The following LPXN variants were observed in gnomAD, a reference collection of about 807,000 sequenced individuals.
LPXN encodes leupaxin.
A neutral mutation model predicts 45.6 loss-of-function variants in LPXN; 28 were observed. The ratio of observed to expected loss-of-function variants is 0.61; its 90% CI spans 0.45 to 0.84. The LOEUF (loss-of-function observed/expected upper bound fraction) is 0.84, where lower values mean the gene tolerates loss of function less well. Among genes scored for constraint, LPXN ranks in the 40% least tolerant of loss-of-function variants. LPXN has a pLI of 0.00. For missense variants in LPXN, 459 were observed against 475.0 expected, an observed-to-expected ratio of 0.97 and a Z score of 0.31; for synonymous variants, 166 against 169.9, an observed-to-expected ratio of 0.98 and a Z score of 0.18.
At chr11:58,529,282 T>C (rs1256898372) in intron 7 of LPXN, among the ~76,000 whole-genome samples, 1 of 152,164 alleles carries the variant, frequency 6.6e-6, no homozygotes, top group Non-Finnish European at 1.5e-5. Flanking sequence ...CCTGAGTATA[T>C]GTATGGTTTC....
chr11:58,578,781 T>G (rs964771855), upstream of LPXN, among the ~76,000 whole-genome samples: 15 of 151,740 alleles, frequency 9.9e-5, no homozygotes, highest in Non-Finnish European at 1.8e-4. Context: ...CGATTTCTTC[T>G]CACCCGCCTC....
chr11:58,567,101 A>C (rs1854547964), intron 2 of LPXN, among the ~76,000 whole-genome samples: 1 of 152,186 alleles, frequency 6.6e-6, no homozygotes, highest in Non-Finnish European at 1.5e-5. Flanking sequence ...GCTTGTTTGA[A>C]TGCAGTCACA....
intron 4 of LPXN, among the ~76,000 whole-genome samples, chr11:58,553,233 G>C (rs550891316): frequency 2.0e-5 from 3 of 151,658 alleles, no homozygotes; most frequent in Non-Finnish European, 4.4e-5. Context: ...CTACTCAGGA[G>C]GCTGAGGCAC....
At chr11:58,570,452 G>C (rs1391569562) in intron 2 of LPXN, 104 bp downstream of exon 2, 1 of 825,048 alleles carries the variant, frequency 1.2e-6, no homozygotes, top group East Asian at 2.5e-5. Flanking sequence ...TCTCTTTCTT[G>C]GATATATTAT....
chr11:58,578,316 C>T (rs747177052), upstream of LPXN: 51 of 321,414 alleles, frequency 1.6e-4, no homozygotes, highest in Admixed American at 1.0e-3. Flanking sequence ...CGTCGTGACT[C>T]AGTTAGAACC....
upstream of LPXN, among the ~76,000 whole-genome samples, chr11:58,576,536 C>T (rs143935811): frequency 2.6e-5 from 4 of 152,318 alleles, no homozygotes; most frequent in Non-Finnish European, 4.4e-5. Flanking sequence ...CTGAGGTTAA[C>T]TCTTCACCTT....
rs1435112566 is a variant in LPXN, at chr11:58,565,527, C to T, written c.172-1326G>A. ...CCAGCCTGGGTGACAGAGCGAGACT[C>T]GGTCTCAAAAAAAAAAAAAATGTGT... On this transcript the variant is annotated intron_variant, in intron 2 of 8. Coordinates refer to ENST00000395074, the MANE Select transcript of LPXN (RefSeq NM_004811.3). Among the ~76,000 whole-genome samples the T allele has an allele frequency of 2.8e-5, 4 of 142,024 alleles. 1 individual carries two copies. The South Asian group carries it at 7.0e-4, about 25-fold the overall frequency. 93.2% of individuals were successfully genotyped at this position (142,024 alleles called of 152,430 possible). A position where few individuals can be genotyped will look rare whatever the true frequency, so the allele number is the denominator to read the frequency against.
chr11:58,561,200 A>G (rs955633661), intron 3 of LPXN, among the ~76,000 whole-genome samples: 1 of 152,208 alleles, frequency 6.6e-6, no homozygotes, highest in Non-Finnish European at 1.5e-5. Context: ...TCTTTCACTT[A>G]ATATATTTTC....
upstream of LPXN, among the ~76,000 whole-genome samples, chr11:58,578,562 C>T (rs949346618): frequency 3.3e-5 from 5 of 152,200 alleles, no homozygotes; most frequent in African/African-American, 9.6e-5. Context: ...GCTCAAAATA[C>T]TACCCCCTTC....
chr11:58,562,978 A>G (rs185787456), intron 3 of LPXN, among the ~76,000 whole-genome samples: 96 of 152,346 alleles, frequency 6.3e-4, no homozygotes, highest in African/African-American at 2.3e-3. Context: ...CATGGGAAAT[A>G]GGCCAGAGAG....
At chr11:58,546,299 A>G (rs941692393) in intron 7 of LPXN, among the ~76,000 whole-genome samples, 3 of 152,210 alleles carry the variant, frequency 2.0e-5, no homozygotes, top group Admixed American at 6.5e-5. Flanking sequence ...AAGGCTAGAA[A>G]CAGGACTGGT....
At chr11:58,544,200 T>C (rs1442498921) in intron 7 of LPXN, among the ~76,000 whole-genome samples, 1 of 152,160 alleles carries the variant, frequency 6.6e-6, no homozygotes, top group African/African-American at 2.4e-5. Context: ...AGTCCTACTA[T>C]TTAAGAAAAA....
At chr11:58,529,570 A>C (rs546416380) in intron 7 of LPXN, among the ~76,000 whole-genome samples, 10 of 150,598 alleles carry the variant, frequency 6.6e-5, no homozygotes, top group Middle Eastern at 3.4e-3. Flanking sequence ...AGATCGCACC[A>C]CTGCACTCCA....
upstream of LPXN, among the ~76,000 whole-genome samples, chr11:58,577,195 T>C (rs537801410): frequency 6.6e-6 from 1 of 151,892 alleles, no homozygotes; most frequent in Non-Finnish European, 1.5e-5. Flanking sequence ...TGAGCATCCA[T>C]TGGATGTCAG....
chr11:58,569,699 A>G (rs1000619552), intron 2 of LPXN, among the ~76,000 whole-genome samples: 1 of 152,068 alleles, frequency 6.6e-6, no homozygotes, highest in Non-Finnish European at 1.5e-5. Context: ...CTAGGTTTTT[A>G]AAATATATAT....
rs2120156805 is a variant in LPXN at position 58,527,297 on chromosome 11, G to A, written c.*157C>T. 2 of 664,822 alleles carry A rather than the reference G, an allele frequency of 3.0e-6. No homozygotes were observed. The highest frequency in any genetic ancestry group is 2.0e-5 in the South Asian group (1 of 51,040). 41.2% of individuals were successfully genotyped at this position (664,822 alleles called of 1,614,324 possible). Reference sequence around the variant, plus strand: ...CCTAAAAAATAAGATTATCAGCCTAGTCATGTAAAGTCTAGAAGTTCCTTT... The same window carrying A: ...CCTAAAAAATAAGATTATCAGCCTAATCATGTAAAGTCTAGAAGTTCCTTT... On this transcript the variant is annotated 3_prime_UTR_variant, in exon 9 of 9. Transcript: ENST00000395074.
At chr11:58,560,957 T>G (rs760946573) in intron 3 of LPXN, among the ~76,000 whole-genome samples, 45 of 152,170 alleles carry the variant, frequency 3.0e-4, no homozygotes, top group Non-Finnish European at 4.9e-4. Flanking sequence ...AACAAATATT[T>G]GCACCCATGT....
intron 7 of LPXN, among the ~76,000 whole-genome samples, chr11:58,531,225 C>T (rs1853377839): frequency 6.6e-6 from 1 of 152,002 alleles, no homozygotes; most frequent in Non-Finnish European, 1.5e-5. Context: ...TAGAAGTAGG[C>T]TTCAGAAGGT....
chr11:58,556,661 C>A (rs1473413632), intron 3 of LPXN, among the ~76,000 whole-genome samples: 1 of 151,852 alleles, frequency 6.6e-6, no homozygotes, highest in Non-Finnish European at 1.5e-5. Context: ...TAAAAAAGAT[C>A]AGGGTGGTGA....
Sources: allele counts gnomAD v4.1 joint callset (sites outside exome capture counted in the v4.1 genomes callset), GRCh38; gene constraint gnomAD v4.1.1; transcripts MANE v1.5; gene names NCBI Gene and HGNC (gene_info 2026-07-23, HGNC 2026-07-21).